Variants in NECTIN3 observed in about 807,000 individuals in gnomAD.
NECTIN3 encodes the protein nectin cell adhesion molecule 3.
Under a neutral mutation model 49.4 loss-of-function variants are expected in NECTIN3, and 8 were observed. The ratio of observed to expected loss-of-function variants is 0.16; its 90% CI spans 0.10 to 0.29. The LOEUF (loss-of-function observed/expected upper bound fraction) is 0.29. NECTIN3 is among the 10% of genes least tolerant of loss of function. NECTIN3 has a pLI of 1.00. For synonymous variants in NECTIN3, 277 were observed against 241.1 expected (o/e 1.15, Z -1.38); for missense variants, 581 against 654.6 (o/e 0.89, Z 1.23).
rs1425248034 is a variant in NECTIN3, at chr3:111,099,086, C to A, written c.161-12944C>A. 2.6e-5 allele frequency among the ~76,000 whole-genome samples: 4 copies of A among 151,996 alleles called. No individual in the cohort carries two copies. In the East Asian group the frequency reaches 7.7e-4, roughly 29 times the overall value. On this transcript the variant is annotated intron_variant, in intron 1 of 5. Transcript: ENST00000485303. The stretch of plus-strand genomic sequence containing the variant: ...GTGAGCCTGTTTGCTTTTGTTTTTC[C>A]TTTAGTGCCTTTACCCTGCCTGGAA...
intron 5 of NECTIN3, among the ~76,000 whole-genome samples, chr3:111,128,838 T>C (rs960503084): frequency 6.6e-6 from 1 of 152,188 alleles, no homozygotes; most frequent in African/African-American, 2.4e-5. Context: ...CTCCCTACTT[T>C]GCCTGTGTCC....
At chr3:111,152,426 A>G (rs1265019478) in intron 7 of NECTIN3, among the ~76,000 whole-genome samples, 1 of 151,846 alleles carries the variant, frequency 6.6e-6, no homozygotes, top group East Asian at 1.9e-4. Flanking sequence ...GATTATTGCT[A>G]ATCTGATAGG....
intron 7 of NECTIN3, among the ~76,000 whole-genome samples, chr3:111,153,277 A>G (rs561319524): frequency 6.6e-6 from 1 of 152,110 alleles, no homozygotes; most frequent in East Asian, 1.9e-4. Context: ...AAATTTTGTG[A>G]TCAACAAAGC....
upstream of NECTIN3, among the ~76,000 whole-genome samples, chr3:111,187,882 T>A (rs904104555): frequency 1.3e-5 from 2 of 152,216 alleles, no homozygotes; most frequent in Admixed American, 6.5e-5. Context: ...ATGATCCATT[T>A]GTTAAAATCC....
At chr3:111,168,244 G>A (rs1169310417) in intron 7 of NECTIN3, among the ~76,000 whole-genome samples, 7 of 152,200 alleles carry the variant, frequency 4.6e-5, no homozygotes, top group African/African-American at 1.2e-4. Context: ...AGGAATCTGC[G>A]AAGGCTTTGC....
downstream of NECTIN3, among the ~76,000 whole-genome samples, chr3:111,138,675 C>T (rs2034658458): frequency 6.6e-6 from 1 of 151,526 alleles, no homozygotes; most frequent in Admixed American, 6.6e-5. Context: ...GTTTCATTTG[C>T]CTTTTAATAG....
intron 7 of NECTIN3, among the ~76,000 whole-genome samples, chr3:111,183,040 A>G (rs958774365): frequency 9.9e-5 from 15 of 152,120 alleles, no homozygotes; most frequent in Admixed American, 9.2e-4. Flanking sequence ...TTAATATTAC[A>G]TAATACTACT....
intron 1 of NECTIN3, among the ~76,000 whole-genome samples, chr3:111,076,897 C>T: frequency 6.6e-6 from 1 of 151,580 alleles, no homozygotes; most frequent in Non-Finnish European, 1.5e-5. Flanking sequence ...ATTGCTTGAA[C>T]CCCAGGGGGA....
intron 1 of NECTIN3, among the ~76,000 whole-genome samples, chr3:111,109,858 G>A (rs1040136608): frequency 1.3e-5 from 2 of 151,920 alleles, no homozygotes; most frequent in Non-Finnish European, 2.9e-5. Flanking sequence ...ATTAATATGG[G>A]GAGAATTGAC....
At chr3:111,107,677 G>A (rs78854479) in intron 1 of NECTIN3, among the ~76,000 whole-genome samples, 2 of 152,070 alleles carry the variant, frequency 1.3e-5, no homozygotes, top group African/African-American at 4.8e-5. Flanking sequence ...GTTAAACTCA[G>A]CTTCATGTGG....
rs2034506419 is a variant in NECTIN3, at chr3:111,134,441, A to G, written c.*226A>G. 2.5e-6 allele frequency: 3 copies of G among 1,210,422 alleles called. No homozygotes were observed. Among genetic ancestry groups the G allele is most frequent in the African/African-American group, 1.6e-5 (1 of 63,426 alleles). 75.0% of individuals were successfully genotyped at this position (1,210,422 alleles called of 1,614,324 possible). A position where few individuals can be genotyped will look rare whatever the true frequency, so the allele number is the denominator to read the frequency against. ...GCTGTACTACTGTCTCAAGATTTAA[A>G]TTTTAATGCAGAGTACTTTATTGGT... On this transcript the variant is annotated 3_prime_UTR_variant, in exon 6 of 6. Transcript: ENST00000485303.
Position 111,133,911 on chromosome 3 carries a change from T to G in NECTIN3, c.1346T>G (p.Met449Arg), listed in dbSNP as rs746663813. The change falls in exon 6 of 6, where the codon ATG becomes AGG. Residue 449 changes from methionine (M) to arginine (R), a missense_variant. This residue lies in a region of NECTIN3 where 238 missense variants were observed against 244.9 expected (regional missense o/e 0.97). Coordinates refer to ENST00000485303, the MANE Select transcript of NECTIN3 (RefSeq NM_015480.3). ...AAGAACTACATTCCACCATCAGATATGCAAAAAGAATCACAAATAGATGTT... is the reference window on the plus strand; with the variant it reads ...AAGAACTACATTCCACCATCAGATAGGCAAAAAGAATCACAAATAGATGTT... ...FAKNYIPPSD[M>R]QKESQIDVLQ... 5.0e-6 allele frequency: 8 copies of G among 1,613,852 alleles called. No individual in the cohort carries two copies. The highest frequency in any genetic ancestry group is 6.8e-6 in the Non-Finnish European group (8 of 1,179,856).
intron 2 of NECTIN3, among the ~76,000 whole-genome samples, chr3:111,117,873 A>G (rs562754342): frequency 2.6e-5 from 4 of 152,098 alleles, no homozygotes; most frequent in Admixed American, 6.5e-5. Flanking sequence ...AGGTTCTAAC[A>G]TTGTTACTTT....
intron 1 of NECTIN3, among the ~76,000 whole-genome samples, chr3:111,105,912 T>C (rs2107436315): frequency 6.6e-6 from 1 of 152,232 alleles, no homozygotes; most frequent in African/African-American, 2.4e-5. Flanking sequence ...CTCTATTCTG[T>C]TTCAAATCAA....
intron 7 of NECTIN3, among the ~76,000 whole-genome samples, chr3:111,152,686 G>A (rs2035023819): frequency 6.6e-6 from 1 of 151,882 alleles, no homozygotes; most frequent in Admixed American, 6.6e-5. Context: ...TTAGTAAGAT[G>A]AATCATGTAT....
intron 7 of NECTIN3, among the ~76,000 whole-genome samples, chr3:111,183,810 T>G (rs2035671398): frequency 6.6e-6 from 1 of 152,170 alleles, no homozygotes; most frequent in Non-Finnish European, 1.5e-5. Flanking sequence ...TGTTAGTTTT[T>G]AGCAATTAGA....
At position 111,135,011 on chromosome 3, in the gene NECTIN3, A is replaced by G; in HGVS notation, c.*796A>G. ...TCCTTTCTGGAACATGGATTTTGGT[A>G]CATTAGCAGTAGCCTTATTTTAATG... is the stretch of plus-strand genomic sequence containing the variant. On this transcript the variant is annotated 3_prime_UTR_variant, in exon 6 of 6. Coordinates refer to ENST00000485303, the MANE Select transcript of NECTIN3 (RefSeq NM_015480.3). 2 of 979,110 alleles carry G rather than the reference A, an allele frequency of 2.0e-6. No homozygotes were observed. Among genetic ancestry groups the G allele is most frequent in the Non-Finnish European group, 2.4e-6 (2 of 824,470 alleles). 60.7% of individuals were successfully genotyped at this position (979,110 alleles called of 1,614,324 possible). A position where few individuals can be genotyped will look rare whatever the true frequency, so the allele number is the denominator to read the frequency against.
At chr3:111,175,761 C>T (rs2035516260) in intron 7 of NECTIN3, among the ~76,000 whole-genome samples, 2 of 152,144 alleles carry the variant, frequency 1.3e-5, no homozygotes, top group Admixed American at 1.3e-4. Flanking sequence ...GCTTCAGTAA[C>T]AGCCTCTGAT....
intron 1 of NECTIN3, among the ~76,000 whole-genome samples, chr3:111,104,955 ATG>A (rs1342322646): frequency 1.3e-5 from 2 of 152,156 alleles, no homozygotes; most frequent in Non-Finnish European, 2.9e-5. Context: ...GAGAGAATTA[ATG>A]TGTTAATAAT....
Sources: gnomAD v4.1 joint callset for allele counts (sites outside exome capture counted in the v4.1 genomes callset) on GRCh38, gnomAD v4.1.1 for gene constraint, gnomAD v4.1.1 regional missense constraint, MANE v1.5 for transcripts, NCBI Gene and HGNC (gene_info 2026-07-23, HGNC 2026-07-21) for gene names.